TIAM2: variants seen among roughly 807,000 people sequenced by gnomAD.
TIAM2 encodes TIAM Rac1 associated GEF 2.
In TIAM2, 80 loss-of-function variants were observed where a neutral mutation model predicts 152.9. The ratio of observed to expected loss-of-function variants is 0.52; its 90% CI spans 0.44 to 0.63. The LOEUF (loss-of-function observed/expected upper bound fraction) is 0.63, where lower values mean the gene tolerates loss of function less well. TIAM2 is among the 30% of genes least tolerant of loss of function. The pLI is 0.00. For missense variants in TIAM2, 1,965 were observed against 2,120.1 expected (o/e 0.93, Z 1.44); for synonymous variants, 804 against 838.0 (o/e 0.96, Z 0.70).
At chr6:155,180,760 C>T (rs1347805660) in intron 12 of TIAM2, among the ~76,000 whole-genome samples, 2 of 152,022 alleles carry the variant, frequency 1.3e-5, no homozygotes, top group Non-Finnish European at 2.9e-5. Flanking sequence ...CCGTGCTTGC[C>T]ACCACACCTG....
chr6:155,009,049 A>C (rs1479684292), intron 1 of TIAM2, among the ~76,000 whole-genome samples: 1 of 149,264 alleles, frequency 6.7e-6, no homozygotes. Context: ...TTGCTAACGC[A>C]TAAATCTCTG....
intron 2 of TIAM2, among the ~76,000 whole-genome samples, chr6:155,111,183 G>A (rs1002231302): frequency 3.3e-5 from 5 of 152,234 alleles, no homozygotes; most frequent in East Asian, 1.9e-4. Context: ...GCATCTTAAA[G>A]ATAAATGAAA....
intron 26 of TIAM2, chr6:155,255,611 C>T (rs1166723077): frequency 8.4e-6 from 1 of 119,494 alleles, no homozygotes; most frequent in East Asian, 2.0e-4. Context: ...TCCAAGAGAA[C>T]AGAACTACAC....
At chr6:155,005,491 C>T (rs931754110) in intron 1 of TIAM2, among the ~76,000 whole-genome samples, 1 of 151,634 alleles carries the variant, frequency 6.6e-6, no homozygotes, top group African/African-American at 2.4e-5. Flanking sequence ...AGGTGTGCAC[C>T]ACCATGCCTG....
rs368267737 is a variant in TIAM2, at chr6:155,081,883, G to A, written c.-208-8406G>A. Among the ~76,000 whole-genome samples, 15 of 151,970 alleles carry A rather than the reference G, an allele frequency of 9.9e-5. 2 individuals carry two copies. In the East Asian group the frequency reaches 2.7e-3, roughly 27 times the overall value. The stretch of plus-strand genomic sequence containing the variant: ...AGCTGCTGCTTGCATTTTTGTTCTC[G>A]CTCAAGCCACCTTTTTCATCAGCTG... On this transcript the variant is annotated intron_variant, in intron 1 of 26. Transcript: ENST00000682666.
chr6:154,995,452 G>T lies in TIAM2; in HGVS notation c.-249G>T, dbSNP rs1389313290. On this transcript the variant is annotated 5_prime_UTR_variant, in exon 1 of 27. Transcript: ENST00000682666. The surrounding 1 kb of genome is among the most constrained non-coding windows in gnomAD (Gnocchi z 5.2). ...CCACGCGCCGAGGGTAGCGGAGGGC[G>T]GCGCGCGACCGGCCCCACCGAGCCC... 1 of 151,036 alleles carries T rather than the reference G, an allele frequency of 6.6e-6. No homozygotes were observed. The highest frequency in any genetic ancestry group is 2.4e-5 in the African/African-American group (1 of 41,316). 9.4% of individuals were successfully genotyped at this position (151,036 alleles called of 1,614,324 possible).
intron 14 of TIAM2, among the ~76,000 whole-genome samples, chr6:155,210,081 T>G (rs1781684962): frequency 1.3e-5 from 2 of 152,178 alleles, no homozygotes; most frequent in South Asian, 4.1e-4. Context: ...ATACAAGAAT[T>G]ACAATGAAAA....
At position 155,164,477 on chromosome 6, in the gene TIAM2, T is replaced by C. The variant is rs141590858; in HGVS notation, c.2091T>C (p.Tyr697=). 1.2e-4 allele frequency: 192 copies of C among 1,614,110 alleles called. No individual in the cohort carries two copies. In the African/African-American group the frequency reaches 2.2e-3, roughly 19 times the overall value. The change falls in exon 8 of 27, where the codon TAT becomes TAC. Residue 697 remains tyrosine (Y), a synonymous_variant. Coordinates refer to ENST00000682666, the MANE Select transcript of TIAM2 (RefSeq NM_012454.4). ...TGGATCTGTTCAGGATGCGCTGCTA[T>C]CTGGCCAGCCTACAAGGTGGGGAGT... The part of the protein sequence containing the change: ...FHMDLFRMRC[Y]LASLQGGELP...
At position 155,114,033 on chromosome 6, in the gene TIAM2, TATA is replaced by T. The variant is rs1351045174; in HGVS notation, c.-117-13456_-117-13454del. Reference sequence around the variant, plus strand: ...TTTACTTTATATATATATATATATATATATTTTTTTTTTTTTCTTTTTTTTTTT... The same window carrying T: ...TTTACTTTATATATATATATATATATTTTTTTTTTTTTTCTTTTTTTTTTT... On this transcript the variant is annotated intron_variant, in intron 2 of 26. Transcript: ENST00000682666. Among the ~76,000 whole-genome samples, 140 of 52,002 alleles carry T rather than the reference TATA, an allele frequency of 2.7e-3. 1 individual carries two copies. The highest frequency in any genetic ancestry group is 9.6e-3 in the African/African-American group (114 of 11,920). 34.1% of individuals were successfully genotyped at this position (52,002 alleles called of 152,430 possible). A position where few individuals can be genotyped will look rare whatever the true frequency, so the allele number is the denominator to read the frequency against.
At chr6:155,042,641 C>T (rs1777075057) in intron 1 of TIAM2, among the ~76,000 whole-genome samples, 1 of 152,042 alleles carries the variant, frequency 6.6e-6, no homozygotes, top group South Asian at 2.1e-4. Flanking sequence ...TCCATTCTGT[C>T]AAGGAACTTA....
rs577768335 is a variant in TIAM2 at position 155,224,453 on chromosome 6, A to G, written c.3168+13146A>G. 4.6e-5 allele frequency among the ~76,000 whole-genome samples: 7 copies of G among 152,260 alleles called. No individual in the cohort carries two copies. The East Asian group carries it at 1.2e-3, about 25-fold the overall frequency. ...TGATGGTATTTTCACCATCTCAAACACTAGCTTCTAACTGCTGAAGGTTAA... is the reference window on the plus strand; with the variant it reads ...TGATGGTATTTTCACCATCTCAAACGCTAGCTTCTAACTGCTGAAGGTTAA... On this transcript the variant is annotated intron_variant, in intron 15 of 26. Transcript: ENST00000682666.
intron 1 of TIAM2, among the ~76,000 whole-genome samples, chr6:155,045,050 C>CTTTTTTTTTTTTT (rs200620585): frequency 9.8e-5 from 13 of 132,026 alleles, no homozygotes; most frequent in African/African-American, 1.7e-4. Flanking sequence ...TTTTCTTTTT[C>CTTTTTTTTTTTTT]TTTTTTTTTT....
At chr6:155,004,516 G>A (rs540318688) in intron 1 of TIAM2, among the ~76,000 whole-genome samples, 193 of 152,084 alleles carry the variant, frequency 1.3e-3, no homozygotes, top group Non-Finnish European at 2.3e-3. Flanking sequence ...TCAGCCTCCC[G>A]AGTAGCTGGG....
In TIAM2 at chr6:155,232,405, G is replaced by C. The variant is rs1253375753; in HGVS notation, c.3169-8125G>C. 5.9e-5 allele frequency: 9 copies of C among 152,212 alleles called. No homozygotes were observed. The East Asian group carries it at 1.7e-3, about 29-fold the overall frequency. The allele number at this position is 152,212 out of a possible 1,614,324, so 9.4% of individuals were successfully genotyped here. On this transcript the variant is annotated intron_variant, in intron 15 of 26. Coordinates refer to ENST00000682666, the MANE Select transcript of TIAM2 (RefSeq NM_012454.4). The stretch of plus-strand genomic sequence containing the variant: ...CCATGCCTTCCAGACAATGAACTGG[G>C]AATATTGTAAGTGCTCAGTGTATGA...
intron 1 of TIAM2, chr6:155,004,927 C>G (rs2114840461): frequency 5.4e-6 from 1 of 183,510 alleles, no homozygotes; most frequent in East Asian, 1.6e-4. Context: ...TGGAGCATCC[C>G]TCACTGCCAG....
At chr6:155,094,738 G>T (rs200125681) in intron 2 of TIAM2, among the ~76,000 whole-genome samples, 173 of 141,930 alleles carry the variant, frequency 1.2e-3, no homozygotes, top group African/African-American at 3.2e-3. Flanking sequence ...TTTTTTTTTT[G>T]TTTTTTTGTT....
chr6:155,114,051 T>TA (rs1778948699), intron 2 of TIAM2, among the ~76,000 whole-genome samples: 1 of 47,852 alleles, frequency 2.1e-5, no homozygotes, highest in African/African-American at 1.1e-4. Context: ...TTTTTTTTTC[T>TA]TTTTTTTTTT....
intron 1 of TIAM2, among the ~76,000 whole-genome samples, chr6:155,052,696 G>A (rs1383076013): frequency 2.0e-5 from 3 of 151,382 alleles, no homozygotes; most frequent in South Asian, 4.2e-4. Flanking sequence ...AACCCAGGAG[G>A]TGGAGGTTGC....
At chr6:155,048,911 C>T (rs1489375325) in intron 1 of TIAM2, among the ~76,000 whole-genome samples, 1 of 151,988 alleles carries the variant, frequency 6.6e-6, no homozygotes, top group Non-Finnish European at 1.5e-5. Flanking sequence ...AGCAATTCTC[C>T]TGCCTCAGCC....
Sources: gnomAD v4.1 joint callset for allele counts (sites outside exome capture counted in the v4.1 genomes callset) on GRCh38, gnomAD v4.1.1 for gene constraint, Gnocchi (gnomAD v3.1) non-coding constraint, MANE v1.5 for transcripts, NCBI Gene and HGNC (gene_info 2026-07-23, HGNC 2026-07-21) for gene names.